SLC35F1: variants seen among roughly 807,000 people sequenced by gnomAD.
SLC35F1 encodes the protein chromosome 6 open reading frame 169.
In SLC35F1, 14 loss-of-function variants were observed where a neutral mutation model predicts 48.7. The ratio of observed to expected loss-of-function variants is 0.29; its 90% CI spans 0.19 to 0.45. The LOEUF (loss-of-function observed/expected upper bound fraction) is 0.45, where lower values mean the gene tolerates loss of function less well. SLC35F1 is among the 20% of genes least tolerant of loss of function. The pLI is 1.00. For missense variants in SLC35F1, 404 were observed against 500.0 expected, an observed-to-expected ratio of 0.81 and a Z score of 1.83; for synonymous variants, 190 against 202.2, an observed-to-expected ratio of 0.94 and a Z score of 0.51.
intron 1 of SLC35F1, among the ~76,000 whole-genome samples, chr6:117,966,162 C>T (rs1754784826): frequency 7.3e-6 from 1 of 137,816 alleles, no homozygotes; most frequent in African/African-American, 2.8e-5. Context: ...CCGCCCCAAG[C>T]AGCAGCGGTA....
intron 2 of SLC35F1, among the ~76,000 whole-genome samples, chr6:118,195,322 G>A (rs1289842920): frequency 6.6e-6 from 1 of 152,114 alleles, no homozygotes; most frequent in Admixed American, 6.5e-5. Flanking sequence ...TCAATGTGTT[G>A]TTTATCCAGA....
chr6:117,943,410 A>G (rs967585938), intron 1 of SLC35F1, among the ~76,000 whole-genome samples: 1 of 152,216 alleles, frequency 6.6e-6, no homozygotes, highest in Non-Finnish European at 1.5e-5. Context: ...TGCTGTTAAC[A>G]TTTTCTGCTC....
chr6:118,144,963 G>A (rs1202961030), intron 1 of SLC35F1, among the ~76,000 whole-genome samples: 2 of 150,976 alleles, frequency 1.3e-5, no homozygotes, highest in Admixed American at 1.3e-4. Context: ...AATTTGTTGC[G>A]GTATAATTTA....
chr6:118,182,686 T>C (rs558797897), intron 2 of SLC35F1, among the ~76,000 whole-genome samples: 9 of 152,206 alleles, frequency 5.9e-5, no homozygotes, highest in South Asian at 4.1e-4. Context: ...CTGGCCAACA[T>C]GATGAGACCT....
chr6:118,184,870 T>C (rs1774634808), intron 2 of SLC35F1, among the ~76,000 whole-genome samples: 2 of 152,146 alleles, frequency 1.3e-5, no homozygotes, highest in Non-Finnish European at 2.9e-5. Context: ...TTAGAAAAGA[T>C]CTTGGGCCAT....
chr6:117,966,168 C>G (rs1011678803), intron 1 of SLC35F1, among the ~76,000 whole-genome samples: 1 of 144,204 alleles, frequency 6.9e-6, no homozygotes, highest in South Asian at 2.2e-4. Flanking sequence ...CAAGCAGCAG[C>G]GGTACCCTGC....
intron 1 of SLC35F1, among the ~76,000 whole-genome samples, chr6:117,994,856 A>C (rs2114860856): frequency 6.6e-6 from 1 of 152,344 alleles, no homozygotes; most frequent in Middle Eastern, 3.4e-3. Context: ...TGTGTCCAAA[A>C]TTTACATGCC....
intron 1 of SLC35F1, among the ~76,000 whole-genome samples, chr6:118,071,046 A>G (rs796740621): frequency 3.0e-4 from 3 of 10,118 alleles, no homozygotes; most frequent in Non-Finnish European, 3.8e-4. Context: ...ATATATACAC[A>G]TAGTATATAT....
At chr6:117,997,318 T>G (rs951824846) in intron 1 of SLC35F1, among the ~76,000 whole-genome samples, 30 of 152,304 alleles carry the variant, frequency 2.0e-4, no homozygotes, top group African/African-American at 7.0e-4. Flanking sequence ...TGAAAGTGAC[T>G]GGGAGAATGG....
chr6:118,272,729 A>ATGTG lies in SLC35F1; in HGVS notation c.638-2724_638-2721dup, dbSNP rs61289426. On this transcript the variant is annotated intron_variant, in intron 4 of 7. Transcript: ENST00000360388. ...ATTCTCCCTGGATTAAAAAATATATATGTGTGTGTATATATATATACATAT... is the reference window on the plus strand; with the variant it reads ...ATTCTCCCTGGATTAAAAAATATATATGTGTGTGTGTGTATATATATATACATAT... 3.5e-3 allele frequency among the ~76,000 whole-genome samples: 478 copies of ATGTG among 137,396 alleles called. 1 individual carries two copies. Among genetic ancestry groups the ATGTG allele is most frequent in the African/African-American group, 0.013 (441 of 32,682 alleles). 90.1% of individuals were successfully genotyped at this position (137,396 alleles called of 152,430 possible).
chr6:117,924,896 G>C (rs1776008592), intron 1 of SLC35F1, among the ~76,000 whole-genome samples: 1 of 152,114 alleles, frequency 6.6e-6, no homozygotes, highest in Non-Finnish European at 1.5e-5. Context: ...GCCTCTAAAT[G>C]TTAAATGCTG....
chr6:118,063,718 C>A (rs1772575502), intron 1 of SLC35F1, among the ~76,000 whole-genome samples: 1 of 151,778 alleles, frequency 6.6e-6, no homozygotes, highest in South Asian at 2.1e-4. Context: ...TAGATTTCAT[C>A]CAGGAGAAGG....
intron 3 of SLC35F1, among the ~76,000 whole-genome samples, chr6:118,244,693 A>G (rs773820356): frequency 1.3e-5 from 2 of 152,164 alleles, no homozygotes; most frequent in Non-Finnish European, 2.9e-5. Flanking sequence ...ACTCTATATG[A>G]TAATTGTTTA....
chr6:118,060,303 A>T (rs976047333), intron 1 of SLC35F1, among the ~76,000 whole-genome samples: 1 of 152,210 alleles, frequency 6.6e-6, no homozygotes, highest in Non-Finnish European at 1.5e-5. Context: ...ATGCTTCAAC[A>T]TAGTATACAT....
chr6:117,980,085 T>C (rs1170157625), intron 1 of SLC35F1, among the ~76,000 whole-genome samples: 1 of 152,234 alleles, frequency 6.6e-6, no homozygotes. Flanking sequence ...ATGTTTATGG[T>C]AACCATGGAA....
At chr6:118,046,276 A>G (rs1443186335) in intron 1 of SLC35F1, among the ~76,000 whole-genome samples, 1 of 152,216 alleles carries the variant, frequency 6.6e-6, no homozygotes, top group Non-Finnish European at 1.5e-5. Flanking sequence ...CGACAGTGGC[A>G]TAACACCAGT....
intron 6 of SLC35F1, among the ~76,000 whole-genome samples, chr6:118,284,793 GTTGC>G (rs1304044400): frequency 3.3e-5 from 5 of 152,086 alleles, no homozygotes; most frequent in Non-Finnish European, 7.4e-5. Context: ...AAGCAGTTTT[GTTGC>G]TATTACTCAA....
At chr6:118,180,815 A>C (rs947756914) in intron 2 of SLC35F1, among the ~76,000 whole-genome samples, 2 of 152,124 alleles carry the variant, frequency 1.3e-5, no homozygotes, top group Admixed American at 1.3e-4. Context: ...AGAATTAATA[A>C]AAGACACAAA....
intron 1 of SLC35F1, among the ~76,000 whole-genome samples, chr6:117,983,576 CGAAAAA>C (rs1369709432): frequency 6.6e-6 from 1 of 151,370 alleles, no homozygotes; most frequent in East Asian, 1.9e-4. Flanking sequence ...GACGCAGTGT[CGAAAAA>C]GAAAAAGAAA....
Sources: gnomAD v4.1 joint callset for allele counts (sites outside exome capture counted in the v4.1 genomes callset) on GRCh38, gnomAD v4.1.1 for gene constraint, MANE v1.5 for transcripts, NCBI Gene and HGNC (gene_info 2026-07-23, HGNC 2026-07-21) for gene names.